TMEM62: variants seen among roughly 807,000 people sequenced by gnomAD.
The protein encoded by TMEM62 is transmembrane protein 62.
In TMEM62, 41 loss-of-function variants were observed where a neutral mutation model predicts 70.4. The observed-to-expected ratio is 0.58, with a 90% CI of 0.45 to 0.76. The LOEUF is 0.76. TMEM62 is among the 30% of genes least tolerant of loss of function. The pLI, the probability that TMEM62 is intolerant of heterozygous loss-of-function variation, is 0.00. For synonymous variants in TMEM62, 268 were observed against 291.0 expected (o/e 0.92, Z 0.80); for missense variants, 688 against 788.5 (o/e 0.87, Z 1.53).
At chr15:43,176,035 C>G (rs746979883) in intron 11 of TMEM62, among the ~76,000 whole-genome samples, 1 of 152,232 alleles carries the variant, frequency 6.6e-6, no homozygotes, top group Non-Finnish European at 1.5e-5. Flanking sequence ...GATTATATCC[C>G]GCACCTGGCT....
In TMEM62 at chr15:43,133,850, A is replaced by G; in HGVS notation, c.48A>G (p.Ala16=). 2 of 1,466,956 alleles carry G rather than the reference A, an allele frequency of 1.4e-6. No individual in the cohort carries two copies. The highest frequency in any genetic ancestry group is 1.3e-5 in the South Asian group (1 of 76,068). 90.9% of individuals were successfully genotyped at this position (1,466,956 alleles called of 1,614,324 possible). A position where few individuals can be genotyped will look rare whatever the true frequency, so the allele number is the denominator to read the frequency against. The change falls in exon 1 of 14, where the codon GCA becomes GCG. Residue 16 remains alanine, a synonymous_variant. Transcript: ENST00000260403. ...ALRVVAGLAA[A]ALVAMLLEHY... ...GGGTGGTCGCGGGGTTGGCGGCCGC[A>G]GCGCTGGTGGCCATGCTCTTGGAGC...
At chr15:43,142,669 G>GT (rs748829193) in intron 4 of TMEM62, among the ~76,000 whole-genome samples, 6 of 149,864 alleles carry the variant, frequency 4.0e-5, no homozygotes, top group South Asian at 2.1e-4. Flanking sequence ...GTTTTTTTTT[G>GT]TTTTTTTGGT....
chr15:43,148,912 G>A (rs1261323285), intron 6 of TMEM62, 33 bp downstream of exon 6: 2 of 1,602,416 alleles, frequency 1.2e-6, no homozygotes, highest in Admixed American at 1.7e-5. Context: ...GAATTAATTT[G>A]TTTTTAGTTT....
chr15:43,152,055 C>A, intron 8 of TMEM62, 110 bp downstream of exon 8: 1 of 686,134 alleles, frequency 1.5e-6, no homozygotes, highest in Non-Finnish European at 2.3e-6. Flanking sequence ...TTAGTTTTCT[C>A]AACAACCTAA....
intron 10 of TMEM62, among the ~76,000 whole-genome samples, chr15:43,166,828 T>G (rs916017867): frequency 1.3e-5 from 2 of 152,202 alleles, no homozygotes; most frequent in Non-Finnish European, 2.9e-5. Context: ...ATACACCACA[T>G]GTTTCAGAGA....
At chr15:43,141,791 G>T (rs2036052959) in intron 4 of TMEM62, among the ~76,000 whole-genome samples, 1 of 152,180 alleles carries the variant, frequency 6.6e-6, no homozygotes, top group African/African-American at 2.4e-5. Flanking sequence ...AACATGAACA[G>T]GAGGGAAGAA....
chr15:43,138,061 CT>C (rs1242978304), intron 3 of TMEM62, among the ~76,000 whole-genome samples: 1 of 152,240 alleles, frequency 6.6e-6, no homozygotes, highest in Non-Finnish European at 1.5e-5. Flanking sequence ...CTGAAGGCCC[CT>C]GGCTTAGCCT....
chr15:43,138,647 C>G, intron 4 of TMEM62, 28 bp downstream of exon 4: 1 of 1,544,444 alleles, frequency 6.5e-7, no homozygotes, highest in Non-Finnish European at 8.9e-7. Context: ...AGACAGACCA[C>G]TATGTAGAGT....
At position 43,163,254 on chromosome 15, in the gene TMEM62, C is replaced by CG. The variant is rs575397303; in HGVS notation, c.1296+2460_1296+2461insG. ...TTAAACCTTCCTTAATTTCACCTCC[C>CG]AGAGATAGGTTTAGTGTATATTCTC... is the stretch of plus-strand genomic sequence containing the variant. On this transcript the variant is annotated intron_variant, in intron 10 of 13. Transcript: ENST00000260403. Among the ~76,000 whole-genome samples, 602 of 152,014 alleles carry CG rather than the reference C, an allele frequency of 4.0e-3. 3 individuals carry two copies. Among genetic ancestry groups the CG allele is most frequent in the South Asian group, 0.015 (73 of 4,812 alleles).
intron 10 of TMEM62, among the ~76,000 whole-genome samples, chr15:43,161,748 C>A (rs538076819): frequency 7.2e-5 from 11 of 152,278 alleles, no homozygotes; most frequent in African/African-American, 1.9e-4. Flanking sequence ...GCAACCTCCA[C>A]CTCCTGGGTT....
At chr15:43,146,851 C>G (rs924803511) in intron 5 of TMEM62, among the ~76,000 whole-genome samples, 5 of 152,200 alleles carry the variant, frequency 3.3e-5, no homozygotes, top group African/African-American at 9.7e-5. Flanking sequence ...GTACCTCACA[C>G]TTTATGGAGT....
intron 11 of TMEM62, among the ~76,000 whole-genome samples, chr15:43,170,019 C>T (rs1352670033): frequency 6.6e-6 from 1 of 152,174 alleles, no homozygotes; most frequent in Non-Finnish European, 1.5e-5. Context: ...GACTGAGGCT[C>T]TGTCTAAAAC....
intron 9 of TMEM62, among the ~76,000 whole-genome samples, chr15:43,157,594 A>C (rs1162976097): frequency 6.6e-6 from 1 of 152,076 alleles, no homozygotes; most frequent in Non-Finnish European, 1.5e-5. Context: ...ATTATAATGA[A>C]CTCCCATGTA....
rs560146353 is a variant in TMEM62, at chr15:43,162,288, C to T, written c.1296+1494C>T. Among the ~76,000 whole-genome samples the T allele has an allele frequency of 3.9e-3, 589 of 151,030 alleles. 2 individuals are homozygous for T. Among genetic ancestry groups the T allele is most frequent in the African/African-American group, 0.014 (556 of 41,080 alleles). On this transcript the variant is annotated intron_variant, in intron 10 of 13. Transcript: ENST00000260403. ...AAGTAGCTGGGACTACAGGTGTCCC[C>T]GACCACGTCCAGCTTTTTTTTTTTT...
At chr15:43,160,644 T>C (rs770827112) in intron 9 of TMEM62, 37 bp from the exon 10 acceptor site, 2 of 1,093,594 alleles carry the variant, frequency 1.8e-6, no homozygotes, top group South Asian at 1.3e-5. Context: ...TATTTCCATG[T>C]ACATGAAAGT....
intron 4 of TMEM62, among the ~76,000 whole-genome samples, chr15:43,143,591 C>A (rs1412775029): frequency 6.6e-6 from 1 of 152,230 alleles, no homozygotes; most frequent in Non-Finnish European, 1.5e-5. Flanking sequence ...GTCAGCCACA[C>A]TACTGAGGTC....
chr15:43,159,817 G>A (rs1191472488), intron 9 of TMEM62, among the ~76,000 whole-genome samples: 1 of 152,098 alleles, frequency 6.6e-6, no homozygotes, highest in East Asian at 1.9e-4. Context: ...CGCAACCTGG[G>A]CACCAGCCTA....
At chr15:43,178,446 G>A (rs886984890) in intron 11 of TMEM62, among the ~76,000 whole-genome samples, 161 bp from the exon 12 acceptor site, 6 of 152,038 alleles carry the variant, frequency 3.9e-5, no homozygotes, top group African/African-American at 1.4e-4. Flanking sequence ...CAGGATTCCT[G>A]CCAAATTCTG....
chr15:43,134,463 C>A, intron 2 of TMEM62, 95 bp downstream of exon 2: 2 of 940,450 alleles, frequency 2.1e-6, no homozygotes, highest in Non-Finnish European at 3.4e-6. Context: ...ACGTTGGGAG[C>A]AGTATAGCCA....
Sources: gnomAD v4.1 joint callset for allele counts (sites outside exome capture counted in the v4.1 genomes callset) on GRCh38, gnomAD v4.1.1 for gene constraint, MANE v1.5 for transcripts, NCBI Gene and HGNC (gene_info 2026-07-23, HGNC 2026-07-21) for gene names.